The following PAG1 variants were observed in gnomAD, a reference collection of about 807,000 sequenced individuals.
PAG1 encodes phosphoprotein associated with glycosphingolipid-enriched microdomains 1.
In PAG1, 23 loss-of-function variants were observed where a neutral mutation model predicts 31.7. That is an observed-to-expected ratio of 0.73 (90% CI 0.52 to 1.03). PAG1 has a LOEUF of 1.03. Ranked by LOEUF, PAG1 falls within the 50% of genes least tolerant of loss-of-function variation. The pLI is 0.00. For missense variants in PAG1, 473 were observed against 540.7 expected, an observed-to-expected ratio of 0.87 and a Z score of 1.24; for synonymous variants, 214 against 210.3, an observed-to-expected ratio of 1.02 and a Z score of -0.15.
At chr8:81,062,722 G>T (rs1808938225) in intron 2 of PAG1, among the ~76,000 whole-genome samples, 1 of 152,082 alleles carries the variant, frequency 6.6e-6, no homozygotes, top group African/African-American at 2.4e-5. Context: ...AAGAGATGGG[G>T]TTTCTTTGCC....
Position 80,984,805 on chromosome 8 carries a change from C to T in PAG1, c.847G>A (p.Ala283Thr). The T allele has an allele frequency of 6.2e-7, 1 of 1,613,996 alleles. No individual in the cohort carries two copies. Among genetic ancestry groups the T allele is most frequent in the Non-Finnish European group, 8.5e-7 (1 of 1,179,908 alleles). Residue 283 changes from alanine (A) to threonine (T), a missense_variant, in exon 7 of 9, where the codon GCC becomes ACC. Transcript: ENST00000220597. ...EKEGGEAEES[A>T]TDTTSETNKR... ...TTAGTTTCACTGGTCGTGTCTGTGG[C>T]ACTCTCTTCCGCCTCTCCCCCTTCC...
At chr8:80,987,334 G>T in intron 6 of PAG1, 36 bp downstream of exon 6, 1 of 1,277,714 alleles carries the variant, frequency 7.8e-7, no homozygotes, top group Non-Finnish European at 1.1e-6. Flanking sequence ...AGGTGATGAG[G>T]CCTGTGTGGA....
intron 1 of PAG1, among the ~76,000 whole-genome samples, chr8:81,103,984 T>C (rs1339128684): frequency 1.3e-5 from 2 of 152,224 alleles, no homozygotes; most frequent in South Asian, 2.1e-4. Flanking sequence ...GATAATTCTA[T>C]AAGCTTCTTG....
At position 80,971,486 on chromosome 8, in the gene PAG1, A is replaced by G. The variant is rs1408950520; in HGVS notation, c.*5058T>C. On this transcript the variant is annotated 3_prime_UTR_variant, in exon 9 of 9. Coordinates refer to ENST00000220597, the MANE Select transcript of PAG1 (RefSeq NM_018440.4). ...AAAGGTAACAACATTAAAACATTTT[A>G]CTGCTGCCAATGTAACATACAGACA... 6.6e-6 allele frequency: 1 copy of G among 152,252 alleles called. No homozygotes were observed. The highest frequency in any genetic ancestry group is 2.4e-5 in the African/African-American group (1 of 41,476). The allele number at this position is 152,252 out of a possible 1,614,324, so 9.4% of individuals were successfully genotyped here.
rs142017538 is a variant in PAG1, at chr8:81,107,454, A to G, written c.-234+4137T>C. Among the ~76,000 whole-genome samples, 24 of 152,330 alleles carry G rather than the reference A, an allele frequency of 1.6e-4. No homozygotes were observed. The East Asian group carries it at 4.4e-3, about 28-fold the overall frequency. Reference sequence around the variant, plus strand: ...AAAATCAGTGGCAGCAGAACGTTCTATAAGTATCACGGGCCTCCTTGCACA... The same window carrying G: ...AAAATCAGTGGCAGCAGAACGTTCTGTAAGTATCACGGGCCTCCTTGCACA... On this transcript the variant is annotated intron_variant, in intron 1 of 8. Coordinates refer to ENST00000220597, the MANE Select transcript of PAG1 (RefSeq NM_018440.4).
intron 2 of PAG1, among the ~76,000 whole-genome samples, chr8:81,049,654 G>A (rs1808695027): frequency 6.6e-6 from 1 of 152,178 alleles, no homozygotes; most frequent in Non-Finnish European, 1.5e-5. Context: ...CTAATAAGCA[G>A]CACATAGCAA....
At chr8:81,074,316 A>G (rs1179126648) in intron 1 of PAG1, among the ~76,000 whole-genome samples, 1 of 152,134 alleles carries the variant, frequency 6.6e-6, no homozygotes, top group Non-Finnish European at 1.5e-5. Context: ...TTTGCCAGTG[A>G]GGATCATGAG....
chr8:81,047,993 C>T (rs1355768419), intron 2 of PAG1, among the ~76,000 whole-genome samples: 1 of 152,128 alleles, frequency 6.6e-6, no homozygotes. Context: ...TCAAATGCAC[C>T]ATTTCCGAAA....
chr8:81,049,675 C>CTTT (rs1475762064), intron 2 of PAG1, among the ~76,000 whole-genome samples: 43 of 152,272 alleles, frequency 2.8e-4, no homozygotes, highest in African/African-American at 1.0e-3. Flanking sequence ...AATAATAATG[C>CTTT]TAGAAAGGAT....
chr8:80,980,577 G>A, intron 7 of PAG1, 83 bp from the exon 8 acceptor site: 2 of 844,410 alleles, frequency 2.4e-6, no homozygotes, highest in South Asian at 1.5e-5. Context: ...CTCATAATCT[G>A]TCTAGCAACG....
At chr8:80,991,573 T>C (rs777908031) in intron 4 of PAG1, 43 bp from the exon 5 acceptor site, 2 of 1,456,290 alleles carry the variant, frequency 1.4e-6, no homozygotes, top group Non-Finnish European at 1.9e-6. Flanking sequence ...ATGTGCCCCC[T>C]TAAAATCAAG....
At chr8:81,068,840 CAT>C (rs1324488489) in intron 2 of PAG1, among the ~76,000 whole-genome samples, 1 of 152,138 alleles carries the variant, frequency 6.6e-6, no homozygotes, top group East Asian at 1.9e-4. Flanking sequence ...ATTACAGAAA[CAT>C]GTGATGCCTA....
intron 1 of PAG1, among the ~76,000 whole-genome samples, chr8:81,095,204 G>A (rs1809511163): frequency 6.6e-6 from 1 of 152,186 alleles, no homozygotes; most frequent in African/African-American, 2.4e-5. Flanking sequence ...GGGGCTGTGA[G>A]GTCCAATCTG....
At chr8:81,039,172 G>T (rs186377953) in intron 2 of PAG1, among the ~76,000 whole-genome samples, 1 of 152,024 alleles carries the variant, frequency 6.6e-6, no homozygotes, top group Non-Finnish European at 1.5e-5. Flanking sequence ...CCTATGTGAC[G>T]CTTTTCTGAG....
intron 1 of PAG1, among the ~76,000 whole-genome samples, chr8:81,107,140 CT>C (rs1402840931): frequency 6.6e-6 from 1 of 152,082 alleles, no homozygotes; most frequent in African/African-American, 2.4e-5. Context: ...CAGTTGAAGG[CT>C]TTATGCTTCC....
At chr8:80,982,916 T>A (rs1807338214) in intron 7 of PAG1, among the ~76,000 whole-genome samples, 1 of 152,238 alleles carries the variant, frequency 6.6e-6, no homozygotes, top group Non-Finnish European at 1.5e-5. Flanking sequence ...ATCTGGTTTA[T>A]TAGAGTCACT....
intron 1 of PAG1, among the ~76,000 whole-genome samples, chr8:81,087,341 C>CAA (rs34830995): frequency 0.013 from 1,278 of 98,204 alleles, 35 homozygotes; most frequent in African/African-American, 0.046. Context: ...GACTCTGTCT[C>CAA]AAAAAAAAAA....
intron 2 of PAG1, among the ~76,000 whole-genome samples, chr8:81,038,438 C>T (rs1808498444): frequency 6.6e-6 from 1 of 152,032 alleles, no homozygotes; most frequent in South Asian, 2.1e-4. Context: ...CCTGTGGGGT[C>T]AAGAGAGAGA....
chr8:81,047,108 G>C (rs1417379660), intron 2 of PAG1, among the ~76,000 whole-genome samples: 1 of 152,160 alleles, frequency 6.6e-6, no homozygotes, highest in Non-Finnish European at 1.5e-5. Context: ...TGGGCATTTA[G>C]GTTGATTCCA....
Sources: allele counts gnomAD v4.1 joint callset (sites outside exome capture counted in the v4.1 genomes callset), GRCh38; gene constraint gnomAD v4.1.1; transcripts MANE v1.5; gene names NCBI Gene and HGNC (gene_info 2026-07-23, HGNC 2026-07-21).